Variants in CCDC144A observed in about 807,000 individuals in gnomAD.
The protein encoded by CCDC144A is coiled-coil domain-containing protein 144A.
A neutral mutation model predicts 143.8 loss-of-function variants in CCDC144A; 41 were observed. The ratio of observed to expected loss-of-function variants is 0.29; its 90% CI spans 0.22 to 0.37. The LOEUF is 0.37. Among genes scored for constraint, CCDC144A ranks in the 10% least tolerant of loss-of-function variants. The probability of loss-of-function intolerance (pLI) is 1.00; values close to 1 mark genes in which losing one functional copy is unlikely to be tolerated. For missense variants in CCDC144A, 637 were observed against 1,488.8 expected, an observed-to-expected ratio of 0.43 and a Z score of 9.41; for synonymous variants, 242 against 517.9, an observed-to-expected ratio of 0.47 and a Z score of 7.23.
At chr17:16,749,555 T>C (rs1231759975) in intron 12 of CCDC144A, among the ~76,000 whole-genome samples, 1 of 152,222 alleles carries the variant, frequency 6.6e-6, no homozygotes, top group East Asian at 1.9e-4. Flanking sequence ...GAGAAAAAAG[T>C]GTATTCTGTA....
intron 12 of CCDC144A, among the ~76,000 whole-genome samples, chr17:16,759,128 A>G (rs1288476639): frequency 6.6e-6 from 1 of 152,086 alleles, no homozygotes; most frequent in Non-Finnish European, 1.5e-5. Context: ...CTCAGAGGCC[A>G]TTTATCTCAG....
the CCDC144A span, among the ~76,000 whole-genome samples, chr17:16,671,283 T>C: frequency 2.6e-5 from 4 of 152,116 alleles, no homozygotes; most frequent in Admixed American, 6.6e-5. Context: ...ATGCCTGGCC[T>C]ATCATTACCT....
chr17:16,699,497 T>C (rs1567584336), intron 2 of CCDC144A, among the ~76,000 whole-genome samples: 3 of 52,088 alleles, frequency 5.8e-5, no homozygotes, highest in African/African-American at 1.7e-4. Context: ...TGCCTCAGCC[T>C]CCTGAGTAGC....
intron 16 of CCDC144A, 96 bp downstream of exon 16, chr17:16,772,115 A>G (rs1374111106): frequency 1.4e-6 from 1 of 707,468 alleles, no homozygotes; most frequent in South Asian, 2.0e-5. Flanking sequence ...GGGCTAGTAG[A>G]TACTACATTA....
chr17:16,705,125 G>T, intron 2 of CCDC144A, 26 bp from the exon 3 acceptor site: 1 of 863,966 alleles, frequency 1.2e-6, no homozygotes, highest in East Asian at 2.5e-5. Context: ...TCCTAAAAAT[G>T]AAAACTTCAT....
chr17:16,733,871 C>G (rs1410466618), intron 11 of CCDC144A, among the ~76,000 whole-genome samples: 1 of 152,188 alleles, frequency 6.6e-6, no homozygotes, highest in Non-Finnish European at 1.5e-5. Context: ...GGTGCAGTGG[C>G]TCACGCCTGT....
chr17:16,670,649 A>G, the CCDC144A span, among the ~76,000 whole-genome samples: 1 of 152,034 alleles, frequency 6.6e-6, no homozygotes, highest in South Asian at 2.1e-4. Context: ...CTGGGACTAC[A>G]GGTGGGTGCC....
chr17:16,689,164 T>G (rs1209819685), upstream of CCDC144A, among the ~76,000 whole-genome samples: 1 of 152,134 alleles, frequency 6.6e-6, no homozygotes, highest in Non-Finnish European at 1.5e-5. Context: ...TCCTTCCTTC[T>G]TTCCTTCTCT....
At chr17:16,765,594 CTTG>C (rs1432554824) in intron 15 of CCDC144A, 1 of 149,048 alleles carries the variant, frequency 6.7e-6, no homozygotes, top group African/African-American at 2.5e-5. Flanking sequence ...GAACCTCAAC[CTTG>C]TTGTGTTTAC....
intron 1 of CCDC144A, among the ~76,000 whole-genome samples, 158 bp downstream of exon 1, chr17:16,690,902 A>G (rs1911026475): frequency 6.6e-6 from 1 of 152,198 alleles, no homozygotes; most frequent in Non-Finnish European, 1.5e-5. Flanking sequence ...TACTATTGCA[A>G]AAGTGTTGGT....
intron 4 of CCDC144A, among the ~76,000 whole-genome samples, chr17:16,707,747 C>T (rs1245792805): frequency 6.6e-6 from 1 of 152,114 alleles, no homozygotes; most frequent in African/African-American, 2.4e-5. Flanking sequence ...TATAGTTAAT[C>T]TTTACCCTTG....
intron 12 of CCDC144A, among the ~76,000 whole-genome samples, chr17:16,752,538 G>C (rs1463317350): frequency 3.5e-5 from 5 of 144,904 alleles, no homozygotes; most frequent in East Asian, 2.1e-4. Flanking sequence ...TTGAATCCGG[G>C]GGGTATTGAG....
Position 16,777,695 on chromosome 17 carries a change from C to G in CCDC144A, c.*4062C>G, listed in dbSNP as rs1357432368. The G allele has an allele frequency of 7.3e-6, 1 of 137,360 alleles. No individual in the cohort carries two copies. Among genetic ancestry groups the G allele is most frequent in the Non-Finnish European group, 1.5e-5 (1 of 66,196 alleles). The allele number at this position is 137,360 out of a possible 1,614,324, so 8.5% of individuals were successfully genotyped here. A position where few individuals can be genotyped will look rare whatever the true frequency, so the allele number is the denominator to read the frequency against. ...ATAGTGACACAACCTATCAAAAACT[C>G]TGGGATACAGCAAAAGTGGAGCTAA... On this transcript the variant is annotated 3_prime_UTR_variant, in exon 17 of 17. Coordinates refer to ENST00000399273, the MANE Select transcript of CCDC144A (RefSeq NM_001382000.1).
Position 16,753,583 on chromosome 17 carries a change from G to A in CCDC144A, c.3373-7842G>A, listed in dbSNP as rs1402691388. 2.0e-5 allele frequency among the ~76,000 whole-genome samples: 3 copies of A among 151,772 alleles called. No homozygotes were observed. The East Asian group carries it at 5.8e-4, about 29-fold the overall frequency. ...TAGTTGATTATTAGTGTATAGAAAT[G>A]TTACACATGCTATTGGCATTATTTT... On this transcript the variant is annotated intron_variant, in intron 12 of 16. Transcript: ENST00000399273.
upstream of CCDC144A, among the ~76,000 whole-genome samples, chr17:16,688,487 T>TTG (rs1318273024): frequency 8.5e-6 from 1 of 118,092 alleles, no homozygotes; most frequent in Non-Finnish European, 1.6e-5. Flanking sequence ...TTTTTCTGTT[T>TTG]TTTTTTTTTT....
intron 6 of CCDC144A, among the ~76,000 whole-genome samples, chr17:16,715,877 C>T (rs1001242292): frequency 6.6e-6 from 1 of 152,252 alleles, no homozygotes; most frequent in South Asian, 2.1e-4. Context: ...TGGATTGGAG[C>T]GAGTTTGTGT....
At position 16,708,904 on chromosome 17, in the gene CCDC144A, G is replaced by A; in HGVS notation, c.847G>A (p.Gly283Ser). The A allele has an allele frequency of 6.2e-7, 1 of 1,611,630 alleles. No individual in the cohort carries two copies. The highest frequency in any genetic ancestry group is 8.5e-7 in the Non-Finnish European group (1 of 1,179,676). The change falls in exon 5 of 17, where the codon GGC becomes AGC. Residue 283 changes from glycine (G) to serine (S), a missense_variant. By Grantham distance (56) the Gly-to-Ser change is moderately conservative. Coordinates refer to ENST00000399273, the MANE Select transcript of CCDC144A (RefSeq NM_001382000.1). ...ATCTGAGGAAATGTGGATTGAACAA[G>A]GCAAATTAGAGTGGAAAAACCAATT... ...QKSEEMWIEQGKLEWKNQLKL... is the reference protein window; with the variant it reads ...QKSEEMWIEQSKLEWKNQLKL...
rs71355519 is a variant in CCDC144A, at chr17:16,718,832, GT to G, written c.1716-1349del. ...GATTATTACTTCTGGATTATAAAGT[GT>G]TTTTTTTTTTTTTTTTGAGACAGAG... On this transcript the variant is annotated intron_variant, in intron 6 of 16. Coordinates refer to ENST00000399273, the MANE Select transcript of CCDC144A (RefSeq NM_001382000.1). 2.0e-3 allele frequency among the ~76,000 whole-genome samples: 207 copies of G among 105,744 alleles called. 8 individuals carry two copies. The highest frequency in any genetic ancestry group is 4.6e-3 in the Admixed American group (50 of 10,832). 69.4% of individuals were successfully genotyped at this position (105,744 alleles called of 152,430 possible).
chr17:16,686,409 T>C (rs751248071), upstream of CCDC144A, among the ~76,000 whole-genome samples: 1 of 152,124 alleles, frequency 6.6e-6, no homozygotes, highest in African/African-American at 2.4e-5. Context: ...TGAAAGGCCA[T>C]GTGCAATTTA....
Sources: allele counts gnomAD v4.1 joint callset (sites outside exome capture counted in the v4.1 genomes callset), GRCh38; gene constraint gnomAD v4.1.1; transcripts MANE v1.5; gene names NCBI Gene and HGNC (gene_info 2026-07-23, HGNC 2026-07-21).